WDR37: variants seen among roughly 807,000 people sequenced by gnomAD.
WDR37 encodes WD repeat domain 37.
Under a neutral mutation model 62.9 loss-of-function variants are expected in WDR37, and 19 were observed. The ratio of observed to expected loss-of-function variants is 0.30; its 90% confidence interval spans 0.21 to 0.44. WDR37 has a LOEUF of 0.44. WDR37 is among the 20% of genes least tolerant of loss of function. The pLI is 1.00. For missense variants in WDR37, 474 were observed against 657.6 expected (o/e 0.72, Z 3.05); for synonymous variants, 250 against 260.9 (o/e 0.96, Z 0.40).
intron 7 of WDR37, among the ~76,000 whole-genome samples, chr10:1,093,024 C>T (rs1834453165): frequency 6.6e-6 from 1 of 152,140 alleles, no homozygotes; most frequent in South Asian, 2.1e-4. Flanking sequence ...GGCGTCTCTA[C>T]TAGTCACAGA....
intron 2 of WDR37, 89 bp downstream of exon 2, chr10:1,072,382 A>G: frequency 6.6e-7 from 1 of 1,522,028 alleles, no homozygotes; most frequent in Middle Eastern, 2.0e-4. Flanking sequence ...CGATGGTGCG[A>G]TCTCCGCTCA....
rs1295400917 is a variant in WDR37 at position 1,130,679 on chromosome 10, A to G, written c.*1335A>G. 1 of 152,212 alleles carries G rather than the reference A, an allele frequency of 6.6e-6. No individual in the cohort carries two copies. The highest frequency in any genetic ancestry group is 1.5e-5 in the Non-Finnish European group (1 of 68,078). The allele number at this position is 152,212 out of a possible 1,614,324, so 9.4% of individuals were successfully genotyped here. Reference sequence around the variant, plus strand: ...ACTTGGAGAGACACAGGAAGGTAATATTTACAGCTGTCATGTGACATCCCC... The same window carrying G: ...ACTTGGAGAGACACAGGAAGGTAATGTTTACAGCTGTCATGTGACATCCCC... On this transcript the variant is annotated 3_prime_UTR_variant, in exon 14 of 14. Coordinates refer to ENST00000263150, the MANE Select transcript of WDR37 (RefSeq NM_014023.4).
intron 1 of WDR37, among the ~76,000 whole-genome samples, chr10:1,062,146 A>G (rs1285206745): frequency 6.6e-6 from 1 of 152,180 alleles, no homozygotes; most frequent in African/African-American, 2.4e-5. Context: ...TTACTCCAGT[A>G]TGAAAAAATC....
At chr10:1,072,359 C>T (rs2131615507) in intron 2 of WDR37, 66 bp downstream of exon 2, 4 of 1,589,410 alleles carry the variant, frequency 2.5e-6, no homozygotes, top group Non-Finnish European at 3.4e-6. Context: ...CGCTCGTTTC[C>T]CCGGCTGGAG....
chr10:1,096,481 TCA>T (rs1294569414), intron 9 of WDR37: 2 of 564,288 alleles, frequency 3.5e-6, no homozygotes, highest in Admixed American at 3.1e-5. Flanking sequence ...ACCTGTGTTC[TCA>T]ATCTCTCTGT....
intron 1 of WDR37, among the ~76,000 whole-genome samples, chr10:1,061,884 A>C (rs1276328728): frequency 6.6e-6 from 1 of 152,068 alleles, no homozygotes; most frequent in Non-Finnish European, 1.5e-5. Flanking sequence ...TGAGGTATAC[A>C]TGAAACATAA....
chr10:1,077,270 G>A (rs1344128237), intron 2 of WDR37, among the ~76,000 whole-genome samples: 2 of 152,168 alleles, frequency 1.3e-5, no homozygotes, highest in East Asian at 1.9e-4. Context: ...CCTTCCCTTC[G>A]CCTTCCCAGG....
chr10:1,113,627 G>A (rs1348936126), intron 11 of WDR37, among the ~76,000 whole-genome samples: 1 of 152,226 alleles, frequency 6.6e-6, no homozygotes, highest in African/African-American at 2.4e-5. Context: ...TTTGAGAGAC[G>A]TTGAGGGGTT....
intron 8 of WDR37, among the ~76,000 whole-genome samples, chr10:1,095,434 T>C (rs1834543400): frequency 6.6e-6 from 1 of 151,968 alleles, no homozygotes; most frequent in Non-Finnish European, 1.5e-5. Context: ...AGAGGAGAGT[T>C]AGACTGGGAT....
intron 6 of WDR37, among the ~76,000 whole-genome samples, chr10:1,084,822 G>A (rs764867707): frequency 6.6e-6 from 1 of 152,240 alleles, no homozygotes; most frequent in Non-Finnish European, 1.5e-5. Flanking sequence ...ATGAATAGAT[G>A]TGCATCTGCA....
chr10:1,105,423 C>G lies in WDR37; in HGVS notation c.1103+156C>G, dbSNP rs1047499789. Among the ~76,000 whole-genome samples, 6 of 152,190 alleles carry G rather than the reference C, an allele frequency of 3.9e-5. No individual in the cohort carries two copies. Among genetic ancestry groups the G allele is most frequent in the African/African-American group, 1.2e-4 (5 of 41,446 alleles). On this transcript the variant is annotated intron_variant, in intron 11 of 13. Coordinates refer to ENST00000263150, the MANE Select transcript of WDR37 (RefSeq NM_014023.4). This position sits in a 1 kb window ranked among gnomAD's most constrained non-coding sequence, Gnocchi z 5.3. Reference sequence around the variant, plus strand: ...CAAATTCTGCTATTCTTTTTCTAAACATTTAGCTCCATTTTGGCTATTTCA... The same window carrying G: ...CAAATTCTGCTATTCTTTTTCTAAAGATTTAGCTCCATTTTGGCTATTTCA...
At chr10:1,107,965 A>G (rs977522779) in intron 11 of WDR37, among the ~76,000 whole-genome samples, 1 of 152,054 alleles carries the variant, frequency 6.6e-6, no homozygotes, top group African/African-American at 2.4e-5. Flanking sequence ...TCCTTCACCT[A>G]GGTTCACCTG....
At chr10:1,110,704 C>T (rs1467553407) in intron 11 of WDR37, among the ~76,000 whole-genome samples, 1 of 152,222 alleles carries the variant, frequency 6.6e-6, no homozygotes, top group East Asian at 1.9e-4. Flanking sequence ...AAGAGCACAC[C>T]CTGGGTCCCC....
Position 1,124,946 on chromosome 10 carries a change from C to T in WDR37, c.1275C>T (p.Leu425=), listed in dbSNP as rs377132285. 4.2e-5 allele frequency: 67 copies of T among 1,614,098 alleles called. No individual in the cohort carries two copies. Among genetic ancestry groups the T allele is most frequent in the Non-Finnish European group, 5.4e-5 (64 of 1,180,048 alleles). The part of the protein sequence containing the change: ...NVCVGQKIIA[L]PHDNRQVRLF... Reference sequence around the variant, plus strand: ...GTGTCGGCCAAAAAATCATAGCCCTCCCCCATGACAACCGACAAGTGAGAC... The same window carrying T: ...GTGTCGGCCAAAAAATCATAGCCCTTCCCCATGACAACCGACAAGTGAGAC... Residue 425 remains leucine, a synonymous_variant, in exon 13 of 14, where the codon CTC becomes CTT. Coordinates refer to ENST00000263150, the MANE Select transcript of WDR37 (RefSeq NM_014023.4).
chr10:1,101,078 C>T (rs1834780764), intron 9 of WDR37, among the ~76,000 whole-genome samples: 2 of 152,254 alleles, frequency 1.3e-5, no homozygotes, highest in Non-Finnish European at 2.9e-5. Context: ...GGAAATCACC[C>T]TGTCAGCCAC....
chr10:1,107,583 C>G (rs1227930750), intron 11 of WDR37, among the ~76,000 whole-genome samples: 2 of 152,042 alleles, frequency 1.3e-5, no homozygotes, highest in Non-Finnish European at 2.9e-5. Context: ...CACACGCCCA[C>G]TAACCCTTCA....
At chr10:1,117,973 C>G in intron 11 of WDR37, among the ~76,000 whole-genome samples, 1 of 142,902 alleles carries the variant, frequency 7.0e-6, no homozygotes, top group African/African-American at 2.6e-5. Context: ...ATCTGAGCCG[C>G]GTGCACTCAG....
chr10:1,086,365 C>T lies in WDR37; in HGVS notation c.604+8C>T. 1 of 1,613,012 alleles carries T rather than the reference C, an allele frequency of 6.2e-7. No homozygotes were observed. Among genetic ancestry groups the T allele is most frequent in the Admixed American group, 1.7e-5 (1 of 59,914 alleles). ...CAGGCCACGTGGGCTCAGGTAAGCA[C>T]TGCCTAAGGAGTGCCGTAGCCAGAG... On this transcript the variant is annotated splice_region_variant and intron_variant, in intron 7 of 13. Transcript: ENST00000263150.
At chr10:1,080,361 T>C in intron 4 of WDR37, 51 bp from the exon 5 acceptor site, 1 of 1,611,844 alleles carries the variant, frequency 6.2e-7, no homozygotes, top group South Asian at 1.1e-5. Context: ...TGTGAGGCTA[T>C]AGGTCTTTGA....
Sources: gnomAD v4.1 joint callset for allele counts (sites outside exome capture counted in the v4.1 genomes callset) on GRCh38, gnomAD v4.1.1 for gene constraint, Gnocchi (gnomAD v3.1) non-coding constraint, MANE v1.5 for transcripts, NCBI Gene and HGNC (gene_info 2026-07-23, HGNC 2026-07-21) for gene names.